The following CALN1 variants were observed in gnomAD, a reference collection of about 807,000 sequenced individuals.
The protein encoded by CALN1 is calneuron 1.
In CALN1, 17 loss-of-function variants were observed where a neutral mutation model predicts 30.6. That is an observed-to-expected ratio of 0.56 (90% confidence interval 0.38 to 0.83). The LOEUF is 0.83. Among genes scored for constraint, CALN1 ranks in the 40% least tolerant of loss-of-function variants. The pLI is 0.00. For missense variants in CALN1, 291 were observed against 354.9 expected, an observed-to-expected ratio of 0.82 and a Z score of 1.45; for synonymous variants, 156 against 131.4, an observed-to-expected ratio of 1.19 and a Z score of -1.28.
At chr7:72,141,339 C>G (rs145358729) in intron 3 of CALN1, among the ~76,000 whole-genome samples, 1 of 152,036 alleles carries the variant, frequency 6.6e-6, no homozygotes, top group Non-Finnish European at 1.5e-5. Flanking sequence ...GTGGCTCACA[C>G]CTGCAATCCT....
intron 5 of CALN1, among the ~76,000 whole-genome samples, chr7:71,849,545 G>A (rs1260880023): frequency 1.3e-5 from 2 of 151,556 alleles, no homozygotes; most frequent in Non-Finnish European, 2.9e-5. Flanking sequence ...TAAAACTATA[G>A]GATGCTATTT....
At chr7:71,853,221 C>A (rs1455331255) in intron 5 of CALN1, among the ~76,000 whole-genome samples, 2 of 151,800 alleles carry the variant, frequency 1.3e-5, no homozygotes, top group Non-Finnish European at 2.9e-5. Flanking sequence ...GGATTACAGG[C>A]ATGAGCCACT....
chr7:72,214,662 A>G (rs983433950), intron 3 of CALN1, among the ~76,000 whole-genome samples: 2 of 152,006 alleles, frequency 1.3e-5, no homozygotes, highest in Middle Eastern at 3.2e-3. Flanking sequence ...GGGGTCCCCA[A>G]CCACCAGGCA....
At chr7:71,829,362 G>A (rs1481843834) in intron 5 of CALN1, among the ~76,000 whole-genome samples, 1 of 152,170 alleles carries the variant, frequency 6.6e-6, no homozygotes, top group Non-Finnish European at 1.5e-5. Context: ...TCTTCCCTTG[G>A]AGCCTCCAGG....
intron 5 of CALN1, among the ~76,000 whole-genome samples, chr7:71,964,817 A>G (rs183248024): frequency 1.1e-3 from 161 of 152,246 alleles, no homozygotes; most frequent in African/African-American, 3.6e-3. Flanking sequence ...AAATGTTGGG[A>G]ATGAGATGGG....
intron 5 of CALN1, among the ~76,000 whole-genome samples, chr7:71,933,383 G>A (rs1023533771): frequency 4.6e-5 from 7 of 152,260 alleles, no homozygotes; most frequent in South Asian, 2.1e-4. Flanking sequence ...GAACGCCGCC[G>A]CCGGCTGGTC....
intron 3 of CALN1, among the ~76,000 whole-genome samples, chr7:72,227,343 C>T (rs570937192): frequency 2.0e-5 from 3 of 151,752 alleles, no homozygotes; most frequent in Non-Finnish European, 4.4e-5. Context: ...AGTTCAAGAC[C>T]GGCCTGGCCA....
intron 2 of CALN1, among the ~76,000 whole-genome samples, chr7:72,304,245 G>A (rs1353863866): frequency 6.6e-6 from 1 of 152,252 alleles, no homozygotes; most frequent in Non-Finnish European, 1.5e-5. Flanking sequence ...GTGACTGGCA[G>A]AGACTGGGAT....
At chr7:71,889,083 G>C (rs1444081497) in intron 5 of CALN1, among the ~76,000 whole-genome samples, 1 of 152,196 alleles carries the variant, frequency 6.6e-6, no homozygotes, top group East Asian at 1.9e-4. Flanking sequence ...CCAGTGCCCA[G>C]GACCCAGGTG....
At chr7:72,288,380 T>C (rs1464948131) in intron 2 of CALN1, among the ~76,000 whole-genome samples, 1 of 152,098 alleles carries the variant, frequency 6.6e-6, no homozygotes, top group African/African-American at 2.4e-5. Flanking sequence ...ATCAAAGACA[T>C]GGGGGTAGGG....
intron 3 of CALN1, among the ~76,000 whole-genome samples, chr7:72,130,655 G>A (rs1013506875): frequency 1.3e-5 from 2 of 152,120 alleles, no homozygotes; most frequent in Non-Finnish European, 2.9e-5. Context: ...ACCAGGTGAT[G>A]GTGATAAGGA....
intron 5 of CALN1, among the ~76,000 whole-genome samples, chr7:71,936,274 G>A (rs1324874583): frequency 6.6e-6 from 1 of 152,058 alleles, no homozygotes; most frequent in Non-Finnish European, 1.5e-5. Context: ...TGAGACGGGT[G>A]GATCACGAGG....
Position 72,353,358 on chromosome 7 carries a change from A to G in CALN1, c.119+49893T>C, listed in dbSNP as rs374122578. ...ATTAGCAAGCCAAATCCAGCAATATATAAAAAGGATAAGACATCTTGACAA... is the reference window on the plus strand; with the variant it reads ...ATTAGCAAGCCAAATCCAGCAATATGTAAAAAGGATAAGACATCTTGACAA... On this transcript the variant is annotated intron_variant, in intron 2 of 6. Transcript: ENST00000395275. 2.8e-4 allele frequency among the ~76,000 whole-genome samples: 43 copies of G among 152,340 alleles called. 2 individuals are homozygous for G. In the East Asian group the frequency reaches 7.9e-3, roughly 28 times the overall value.
chr7:72,375,708 C>T (rs1804517230), intron 2 of CALN1, among the ~76,000 whole-genome samples: 1 of 152,092 alleles, frequency 6.6e-6, no homozygotes, highest in Non-Finnish European at 1.5e-5. Context: ...TCTTGAACTC[C>T]TGGCCTCAAG....
At chr7:71,814,159 A>C (rs1308040574) in intron 5 of CALN1, among the ~76,000 whole-genome samples, 3 of 152,010 alleles carry the variant, frequency 2.0e-5, no homozygotes. Flanking sequence ...CCTCACCCCA[A>C]GGTTTTTGTC....
At chr7:71,990,510 T>C (rs1034864554) in intron 5 of CALN1, among the ~76,000 whole-genome samples, 1 of 152,024 alleles carries the variant, frequency 6.6e-6, no homozygotes, top group Admixed American at 6.6e-5. Context: ...TGGAGTCCAG[T>C]GGCGTAATCT....
Position 72,023,641 on chromosome 7 carries a change from A to T in CALN1, c.501+16T>A. On this transcript the variant is annotated intron_variant, in intron 5 of 6. Coordinates refer to ENST00000395275, the MANE Select transcript of CALN1 (RefSeq NM_031468.4). Reference sequence around the variant, plus strand: ...TTACTGTCAAACTTAGTCTGAAAAAAAATATTCTTACTCACCTGCCAGAAT... The same window carrying T: ...TTACTGTCAAACTTAGTCTGAAAAATAATATTCTTACTCACCTGCCAGAAT... 1 of 1,602,304 alleles carries T rather than the reference A, an allele frequency of 6.2e-7. No individual in the cohort carries two copies. The highest frequency in any genetic ancestry group is 1.1e-5 in the South Asian group (1 of 90,584).
intron 5 of CALN1, among the ~76,000 whole-genome samples, chr7:71,865,165 T>G (rs994317835): frequency 2.0e-5 from 3 of 152,212 alleles, no homozygotes; most frequent in African/African-American, 7.2e-5. Context: ...TGAACTGTAA[T>G]CCCCAGTGTC....
chr7:72,219,764 G>T (rs1272233424), intron 3 of CALN1, among the ~76,000 whole-genome samples: 1 of 152,004 alleles, frequency 6.6e-6, no homozygotes, highest in Non-Finnish European at 1.5e-5. Context: ...AGAGGCAGCA[G>T]AATAGGAAAC....
Sources: gnomAD v4.1 joint callset for allele counts (sites outside exome capture counted in the v4.1 genomes callset) on GRCh38, gnomAD v4.1.1 for gene constraint, MANE v1.5 for transcripts, NCBI Gene and HGNC (gene_info 2026-07-23, HGNC 2026-07-21) for gene names.